Variants in TAF1 observed in about 807,000 individuals in gnomAD.
TAF1 encodes the protein transcription initiation factor TFIID subunit 1.
A neutral mutation model predicts 138.5 loss-of-function variants in TAF1; 2 were observed. The ratio of observed to expected loss-of-function variants is 0.01; its 90% confidence interval spans 0.01 to 0.05. The LOEUF is 0.05. Ranked by LOEUF, TAF1 falls within the 10% of genes least tolerant of loss-of-function variation. The pLI is 1.00. For synonymous variants in TAF1, 437 were observed against 503.2 expected, an observed-to-expected ratio of 0.87 and a Z score of 1.76; for missense variants, 709 against 1,478.0, an observed-to-expected ratio of 0.48 and a Z score of 8.53.
chrX:71,446,911 C>G (rs1231136811), intron 32 of TAF1, among the ~76,000 whole-genome samples: 1 of 111,654 alleles, frequency 9.0e-6, no homozygotes, highest in Non-Finnish European at 1.9e-5. Flanking sequence ...GATCCTCATT[C>G]TACATAAGGT....
intron 16 of TAF1, 151 bp from the exon 17 acceptor site, chrX:71,388,587 G>T (rs1422653100): frequency 1.1e-6 from 1 of 939,248 alleles, no homozygotes; most frequent in African/African-American, 2.0e-5. Flanking sequence ...TGAGTTGTAG[G>T]AAACTTAGCA....
chrX:71,380,821 G>C (rs1038985410), intron 8 of TAF1, among the ~76,000 whole-genome samples: 2 of 111,667 alleles, frequency 1.8e-5, no homozygotes, highest in Non-Finnish European at 3.8e-5. Context: ...CTCCCGAGTA[G>C]CTGGGATTAT....
chrX:71,519,021 T>A (rs1321478930), intron 13 of TAF1, among the ~76,000 whole-genome samples: 1 of 108,414 alleles, frequency 9.2e-6, no homozygotes, highest in Non-Finnish European at 1.9e-5. Flanking sequence ...TAAAATTCTA[T>A]AAGAATTTTT....
At chrX:71,481,156 G>C (rs1443422191) in intron 13 of TAF1, among the ~76,000 whole-genome samples, 1 of 111,875 alleles carries the variant, frequency 8.9e-6, no homozygotes, top group African/African-American at 3.2e-5. Flanking sequence ...GTGCATGCCT[G>C]TGATCCCAGC....
intron 23 of TAF1, 102 bp from the exon 24 acceptor site, chrX:71,398,470 G>T: frequency 9.5e-7 from 1 of 1,055,391 alleles, no homozygotes. Context: ...AGCCTGGATG[G>T]ATTACTTTAG....
chrX:71,388,094 C>A, intron 15 of TAF1, 143 bp from the exon 16 acceptor site: 1 of 877,896 alleles, frequency 1.1e-6, no homozygotes, highest in Non-Finnish European at 1.6e-6. Context: ...AGCGAGACTC[C>A]GTCTCAGAAA....
intron 32 of TAF1, among the ~76,000 whole-genome samples, chrX:71,424,902 G>A (rs912455603): frequency 2.7e-5 from 3 of 112,452 alleles, no homozygotes; most frequent in African/African-American, 9.7e-5. Flanking sequence ...TGGGATTACA[G>A]GCGTGAGCCA....
intron 36 of TAF1, 86 bp downstream of exon 36, chrX:71,459,794 T>G: frequency 2.2e-5 from 25 of 1,158,063 alleles, no homozygotes; most frequent in Non-Finnish European, 2.9e-5. Context: ...TGGCCACATA[T>G]GCTTTTATTG....
chrX:71,445,375 C>T (rs2037646347), intron 32 of TAF1, among the ~76,000 whole-genome samples: 1 of 107,656 alleles, frequency 9.3e-6, no homozygotes, highest in Admixed American at 1.0e-4. Context: ...TAAAATTTTA[C>T]AGTTGTAGCC....
chrX:71,503,201 G>A (rs1199985339), intron 13 of TAF1, among the ~76,000 whole-genome samples: 1 of 104,089 alleles, frequency 9.6e-6, no homozygotes, highest in Admixed American at 1.1e-4. Context: ...AATCTGGGAA[G>A]CAGTAGTTGC....
chrX:71,467,359 C>G (rs780069149), downstream of TAF1, among the ~76,000 whole-genome samples: 4 of 110,518 alleles, frequency 3.6e-5, no homozygotes, highest in Admixed American at 9.8e-5. Context: ...CTTCCCACCT[C>G]AGCTTCCCAA....
chrX:71,452,923 T>TG (rs1380799038), intron 32 of TAF1, among the ~76,000 whole-genome samples: 1 of 111,350 alleles, frequency 9.0e-6, no homozygotes, highest in African/African-American at 3.3e-5. Context: ...CAGTCAGGCG[T>TG]GGTGGCGCGC....
chrX:71,496,579 C>T (rs1292500207), intron 13 of TAF1, among the ~76,000 whole-genome samples: 2 of 109,381 alleles, frequency 1.8e-5, no homozygotes, highest in Non-Finnish European at 3.8e-5. Flanking sequence ...GCCTCTTTGT[C>T]TGTCTCTTCC....
chrX:71,393,556 G>A lies in TAF1; in HGVS notation c.3227+80G>A, dbSNP rs1448307309. Reference sequence around the variant, plus strand: ...GGCACTATTTCATAATAAAGAGGAGGTCACCTAAAAGTTTGACTACCTAGG... The same window carrying A: ...GGCACTATTTCATAATAAAGAGGAGATCACCTAAAAGTTTGACTACCTAGG... On this transcript the variant is annotated intron_variant, in intron 21 of 37. Coordinates refer to ENST00000423759, the MANE Select transcript of TAF1 (RefSeq NM_004606.5). The A allele has an allele frequency of 5.5e-6, 6 of 1,093,341 alleles. No homozygotes were observed. In the African/African-American group the frequency reaches 5.6e-5, roughly 10 times the overall value. 90.1% of individuals were successfully genotyped at this position (1,093,341 alleles called of 1,213,427 possible).
intron 17 of TAF1, among the ~76,000 whole-genome samples, 167 bp from the exon 18 acceptor site, chrX:71,389,418 A>G (rs977144052): frequency 1.1e-4 from 12 of 112,059 alleles, no homozygotes; most frequent in Non-Finnish European, 2.1e-4. Context: ...GTTGTAATGT[A>G]TCTTATAGCT....
At chrX:71,440,998 TC>T (rs1271306754) in intron 32 of TAF1, among the ~76,000 whole-genome samples, 3 of 109,970 alleles carry the variant, frequency 2.7e-5, no homozygotes, top group Non-Finnish European at 5.7e-5. Flanking sequence ...CTTCCTGGGT[TC>T]AAGCAATTCT....
At chrX:71,389,694 C>G in intron 18 of TAF1, 29 bp downstream of exon 18, 1 of 1,023,349 alleles carries the variant, frequency 9.8e-7, no homozygotes, top group Non-Finnish European at 1.4e-6. Context: ...TTGTATTAGT[C>G]ATTAATACAT....
chrX:71,375,889 A>G (rs2033438791), intron 4 of TAF1, among the ~76,000 whole-genome samples: 1 of 112,790 alleles, frequency 8.9e-6, no homozygotes, highest in Admixed American at 9.4e-5. Context: ...GTAATTTATG[A>G]TACAACTGAT....
chrX:71,525,830 A>AT (rs61199901), intron 13 of TAF1, among the ~76,000 whole-genome samples: 132 of 90,987 alleles, frequency 1.5e-3, no homozygotes, highest in East Asian at 2.1e-3. Flanking sequence ...ATTTTTTTGT[A>AT]TTTTTTTTTT....
Sources: allele counts gnomAD v4.1 joint callset (sites outside exome capture counted in the v4.1 genomes callset), GRCh38; gene constraint gnomAD v4.1.1; transcripts MANE v1.5; gene names NCBI Gene and HGNC (gene_info 2026-07-23, HGNC 2026-07-21).